Variants in COP1 observed in about 807,000 individuals in gnomAD.
The protein encoded by COP1 is E3 ubiquitin-protein ligase COP1.
Under a neutral mutation model 101.3 loss-of-function variants are expected in COP1, and 24 were observed. That is an observed-to-expected ratio of 0.24 (90% confidence interval 0.17 to 0.33). The LOEUF is 0.33. Ranked by LOEUF, COP1 falls within the 10% of genes least tolerant of loss-of-function variation. COP1 has a pLI of 1.00. For missense variants in COP1, 663 were observed against 906.2 expected, an observed-to-expected ratio of 0.73 and a Z score of 3.45; for synonymous variants, 347 against 341.9, an observed-to-expected ratio of 1.01 and a Z score of -0.17.
intron 5 of COP1, among the ~76,000 whole-genome samples, chr1:176,149,745 A>G (rs35676894): frequency 1.3e-5 from 2 of 152,164 alleles, no homozygotes; most frequent in Admixed American, 1.3e-4. Flanking sequence ...ACATAAAAAC[A>G]CAAGTATGTA....
At chr1:176,072,556 C>T (rs1677187418) in intron 11 of COP1, among the ~76,000 whole-genome samples, 1 of 152,122 alleles carries the variant, frequency 6.6e-6, no homozygotes, top group Non-Finnish European at 1.5e-5. Context: ...AATGGAAATA[C>T]CTTCTGACAA....
intron 18 of COP1, among the ~76,000 whole-genome samples, chr1:175,960,917 G>C (rs1651259124): frequency 6.6e-6 from 1 of 152,198 alleles, no homozygotes; most frequent in Non-Finnish European, 1.5e-5. Context: ...TGAGTCGGTT[G>C]ACTGAGTGGG....
chr1:176,137,009 A>C (rs1229763408), intron 6 of COP1, among the ~76,000 whole-genome samples: 2 of 152,120 alleles, frequency 1.3e-5, no homozygotes, highest in East Asian at 3.9e-4. Flanking sequence ...CAGCCTCCCA[A>C]AGTGCTGGTA....
chr1:176,190,493 G>C (rs1261333469), intron 1 of COP1, among the ~76,000 whole-genome samples: 3 of 148,572 alleles, frequency 2.0e-5, no homozygotes, highest in Non-Finnish European at 4.5e-5. Flanking sequence ...ACAACCTTAA[G>C]CTTGCCAAAA....
chr1:176,034,628 C>T (rs915823371), intron 14 of COP1, among the ~76,000 whole-genome samples: 1 of 152,036 alleles, frequency 6.6e-6, no homozygotes, highest in African/African-American at 2.4e-5. Context: ...CGGGGAGAAA[C>T]CTGGAAAGAA....
At chr1:176,053,494 CTATA>C (rs754658807) in intron 11 of COP1, among the ~76,000 whole-genome samples, 5 of 152,134 alleles carry the variant, frequency 3.3e-5, no homozygotes, top group Non-Finnish European at 5.9e-5. Context: ...ATTTTAATAA[CTATA>C]TATAGATGAT....
intron 15 of COP1, among the ~76,000 whole-genome samples, chr1:176,014,173 AAG>A (rs1665192535): frequency 6.6e-6 from 1 of 152,226 alleles, no homozygotes; most frequent in Non-Finnish European, 1.5e-5. Context: ...AACAGAAAGT[AAG>A]AGAATACATC....
intron 15 of COP1, among the ~76,000 whole-genome samples, chr1:176,009,243 C>T (rs1381233906): frequency 6.6e-6 from 1 of 152,138 alleles, no homozygotes; most frequent in Non-Finnish European, 1.5e-5. Flanking sequence ...TTATTTTCAA[C>T]AATACTGTGG....
intron 3 of COP1, 128 bp from the exon 4 acceptor site, chr1:176,164,019 A>G (rs1694732234): frequency 1.9e-6 from 1 of 535,644 alleles, no homozygotes. Context: ...CATGCTAAAC[A>G]GAAAGTGTTA....
intron 18 of COP1, among the ~76,000 whole-genome samples, chr1:175,986,298 T>C (rs1657112228): frequency 6.6e-6 from 1 of 152,142 alleles, no homozygotes; most frequent in African/African-American, 2.4e-5. Context: ...GGATTACAGG[T>C]GTGAGCCACC....
chr1:175,958,408 C>T (rs1650936314), intron 18 of COP1, among the ~76,000 whole-genome samples: 1 of 151,772 alleles, frequency 6.6e-6, no homozygotes, highest in African/African-American at 2.4e-5. Context: ...AGCTATGAAG[C>T]TAAATATTTC....
intron 11 of COP1, among the ~76,000 whole-genome samples, chr1:176,049,028 C>T (rs945354574): frequency 5.3e-5 from 8 of 151,164 alleles, no homozygotes; most frequent in South Asian, 2.1e-4. Context: ...AAAAATTAGC[C>T]AGGCGCGGTG....
At chr1:176,151,241 TAGAAAGAAAGAAAGAG>T (rs566334770) in intron 5 of COP1, among the ~76,000 whole-genome samples, 4 of 137,382 alleles carry the variant, frequency 2.9e-5, no homozygotes, top group African/African-American at 1.1e-4. Context: ...GAAATGTATT[TAGAAAGAAAGAAAGAG>T]AGAAAGAAAG....
chr1:176,206,828 C>A lies in COP1; in HGVS notation c.151G>T (p.Gly51Trp). The change falls in exon 1 of 20, where the codon GGG becomes TGG. Residue 51 changes from glycine to tryptophan, a missense_variant. Physicochemically the swap from Gly to Trp is radical, Grantham distance 184. Coordinates refer to ENST00000367669, the MANE Select transcript of COP1 (RefSeq NM_022457.7). The part of the protein sequence containing the change: ...AVSAAALVSG[G>W]VAQAAGSGGL... ...CCCGAGCCGGCGGCCTGGGCCACCC[C>A]GCCGGACACCAGCGCTGCCGCCGAA... is the stretch of plus-strand genomic sequence containing the variant. 5 of 1,409,552 alleles carry A rather than the reference C, an allele frequency of 3.5e-6. No individual in the cohort carries two copies. Among genetic ancestry groups the A allele is most frequent in the Non-Finnish European group, 4.6e-6 (5 of 1,088,258 alleles). The allele number at this position is 1,409,552 out of a possible 1,614,324, so 87.3% of individuals were successfully genotyped here.
At chr1:176,121,081 T>C (rs1687048081) in intron 8 of COP1, among the ~76,000 whole-genome samples, 2 of 151,862 alleles carry the variant, frequency 1.3e-5, no homozygotes, top group South Asian at 2.1e-4. Context: ...GAGAGAAAAA[T>C]AAACTTCTAC....
rs911436807 is a variant in COP1, at chr1:176,120,918, T to G, written c.969-4237A>C. 9.2e-5 allele frequency among the ~76,000 whole-genome samples: 14 copies of G among 152,254 alleles called. 1 individual carries two copies. The highest frequency in any genetic ancestry group is 3.1e-4 in the African/African-American group (13 of 41,576). ...ATTATAAAGAGAAATTTTTAATCGA[T>G]GAGCAAAAATAAAGCACACTGAGAT... is the stretch of plus-strand genomic sequence containing the variant. On this transcript the variant is annotated intron_variant, in intron 8 of 19. Coordinates refer to ENST00000367669, the MANE Select transcript of COP1 (RefSeq NM_022457.7).
intron 15 of COP1, among the ~76,000 whole-genome samples, chr1:175,998,635 A>G (rs1001382988): frequency 1.3e-5 from 2 of 152,072 alleles, no homozygotes; most frequent in African/African-American, 4.8e-5. Flanking sequence ...TTCATCTAGT[A>G]CCAGGGTTAT....
rs191259411 is a variant in COP1, at chr1:176,013,632, A to G, written c.1729+13940T>C. Among the ~76,000 whole-genome samples, 728 of 152,304 alleles carry G rather than the reference A, an allele frequency of 4.8e-3. 2 individuals carry two copies. The highest frequency in any genetic ancestry group is 7.7e-3 in the Non-Finnish European group (521 of 68,004). On this transcript the variant is annotated intron_variant, in intron 15 of 19. Coordinates refer to ENST00000367669, the MANE Select transcript of COP1 (RefSeq NM_022457.7). ...AAAGACTACAAATGTATTTCAACTCACCATATAATATGTGAAAAGTCAAAA... is the reference window on the plus strand; with the variant it reads ...AAAGACTACAAATGTATTTCAACTCGCCATATAATATGTGAAAAGTCAAAA...
intron 16 of COP1, 99 bp from the exon 17 acceptor site, chr1:175,988,511 C>T (rs1657643475): frequency 5.1e-6 from 6 of 1,187,674 alleles, no homozygotes; most frequent in Middle Eastern, 4.1e-4. Context: ...GTTAAGAATG[C>T]AGGCTCTGGA....
Sources: allele counts gnomAD v4.1 joint callset (sites outside exome capture counted in the v4.1 genomes callset), GRCh38; gene constraint gnomAD v4.1.1; transcripts MANE v1.5; gene names NCBI Gene and HGNC (gene_info 2026-07-23, HGNC 2026-07-21).